The following TENM4 variants were observed in gnomAD, a reference collection of about 807,000 sequenced individuals.
TENM4 encodes teneurin-4.
TENM4 carries 82 observed loss-of-function variants against 243.3 expected under a neutral mutation model. The ratio of observed to expected loss-of-function variants is 0.34; its 90% CI spans 0.28 to 0.40. The LOEUF (loss-of-function observed/expected upper bound fraction) is 0.40, where lower values mean the gene tolerates loss of function less well. TENM4 is among the 10% of genes least tolerant of loss of function. The probability of loss-of-function intolerance (pLI) is 1.00; values close to 1 mark genes in which losing one functional copy is unlikely to be tolerated. For synonymous variants in TENM4, 1,412 were observed against 1,456.3 expected (o/e 0.97, Z 0.69); for missense variants, 3,138 against 3,673.3 (o/e 0.85, Z 3.77).
At chr11:79,107,572 T>G (rs9667693) in intron 4 of TENM4, among the ~76,000 whole-genome samples, 21,485 of 152,214 alleles carry the variant, frequency 0.14, 1,601 homozygotes, top group East Asian at 0.19. Flanking sequence ...TGTTCCCTGA[T>G]TCAGCAGGGT....
intron 4 of TENM4, among the ~76,000 whole-genome samples, chr11:79,145,193 G>A (rs570296274): frequency 1.3e-5 from 2 of 152,152 alleles, no homozygotes; most frequent in African/African-American, 4.8e-5. Flanking sequence ...TTGTCCTTAT[G>A]ACCTGCTATA....
chr11:79,005,734 G>A (rs1858464411), intron 6 of TENM4, among the ~76,000 whole-genome samples: 1 of 152,122 alleles, frequency 6.6e-6, no homozygotes, highest in Admixed American at 6.6e-5. Context: ...AGTTCTTGAA[G>A]TCCTAGCCAA....
chr11:78,685,505 T>G (rs143913397), intron 29 of TENM4, among the ~76,000 whole-genome samples: 58 of 152,354 alleles, frequency 3.8e-4, no homozygotes, highest in African/African-American at 1.2e-3. Flanking sequence ...ATTTTAATGT[T>G]TTTTTGAAAT....
At chr11:79,162,418 G>A (rs1404970182) in intron 3 of TENM4, among the ~76,000 whole-genome samples, 1 of 152,068 alleles carries the variant, frequency 6.6e-6, no homozygotes, top group African/African-American at 2.4e-5. Context: ...TACTAAATAA[G>A]TATTAATGCT....
intron 3 of TENM4, among the ~76,000 whole-genome samples, chr11:79,167,980 G>A (rs535312935): frequency 6.6e-6 from 1 of 152,344 alleles, no homozygotes; most frequent in Admixed American, 6.5e-5. Flanking sequence ...GGTTCCCTGT[G>A]CAGACTCTCA....
chr11:78,778,551 C>T lies in TENM4; in HGVS notation c.2392+51G>A, dbSNP rs957938317. 1.9e-6 allele frequency: 3 copies of T among 1,581,486 alleles called. No homozygotes were observed. The Admixed American group carries it at 5.2e-5, about 27-fold the overall frequency. ...ACACATTTCTTCTTTTATACTCATA[C>T]ACAAACACACACACAAAGACAACAG... On this transcript the variant is annotated intron_variant, in intron 17 of 33. Transcript: ENST00000278550.
intron 2 of TENM4, among the ~76,000 whole-genome samples, chr11:79,283,243 CACACACAA>C (rs1277814276): frequency 6.6e-6 from 1 of 150,452 alleles, no homozygotes; most frequent in African/African-American, 2.5e-5. Context: ...CACACACACA[CACACACAA>C]GTACAGATGA....
At chr11:79,248,462 A>G (rs1231991355) in intron 2 of TENM4, among the ~76,000 whole-genome samples, 1 of 152,186 alleles carries the variant, frequency 6.6e-6, no homozygotes, top group African/African-American at 2.4e-5. Flanking sequence ...AGAATCTTTC[A>G]TAAGTGTCCC....
intron 3 of TENM4, among the ~76,000 whole-genome samples, chr11:79,210,615 C>G (rs1863938013): frequency 6.6e-6 from 1 of 152,168 alleles, no homozygotes; most frequent in African/African-American, 2.4e-5. Context: ...CCAGCTCTGG[C>G]TTTTACTAGC....
intron 21 of TENM4, among the ~76,000 whole-genome samples, chr11:78,730,341 C>T (rs960049746): frequency 1.3e-5 from 2 of 152,160 alleles, no homozygotes; most frequent in African/African-American, 2.4e-5. Context: ...CTTTCCTTTT[C>T]GGGAAATTAA....
chr11:78,924,609 G>C (rs993251875), intron 6 of TENM4: 7 of 152,174 alleles, frequency 4.6e-5, no homozygotes, highest in African/African-American at 1.7e-4. Context: ...TAATCTTAGT[G>C]AAGATGCCTG....
At chr11:79,388,419 C>G (rs1858160636) in intron 1 of TENM4, among the ~76,000 whole-genome samples, 1 of 152,144 alleles carries the variant, frequency 6.6e-6, no homozygotes, top group Non-Finnish European at 1.5e-5. Context: ...TTTACAAGTG[C>G]CAAGTCACAA....
At chr11:79,336,323 A>G (rs1857147671) in intron 1 of TENM4, among the ~76,000 whole-genome samples, 1 of 152,186 alleles carries the variant, frequency 6.6e-6, no homozygotes, top group African/African-American at 2.4e-5. Flanking sequence ...CCAGGCCTCT[A>G]GCTTCTGATC....
At chr11:78,929,935 A>G (rs548541) in intron 6 of TENM4, among the ~76,000 whole-genome samples, 148,385 of 152,296 alleles carry the variant, frequency 0.97, 72,413 homozygotes, top group Middle Eastern at 1. Context: ...GCAATTGTGG[A>G]GTGGAGGACA....
At chr11:79,167,062 A>G (rs1862929948) in intron 3 of TENM4, among the ~76,000 whole-genome samples, 1 of 152,248 alleles carries the variant, frequency 6.6e-6, no homozygotes, top group South Asian at 2.1e-4. Flanking sequence ...CACCCATTGA[A>G]CAAGTGGAGT....
At chr11:78,927,849 T>TTCTC (rs56853062) in intron 6 of TENM4, among the ~76,000 whole-genome samples, 4,065 of 149,328 alleles carry the variant, frequency 0.027, 62 homozygotes, top group Admixed American at 0.047. Flanking sequence ...AAGCATCCTG[T>TTCTC]TCTCTCTCTC....
chr11:79,311,506 T>A (rs1033623048), intron 1 of TENM4, among the ~76,000 whole-genome samples: 2 of 152,212 alleles, frequency 1.3e-5, no homozygotes, highest in African/African-American at 4.8e-5. Context: ...TTTGCCTCCA[T>A]CGTACTTTGT....
At chr11:79,437,237 T>C (rs2135626197) in intron 1 of TENM4, among the ~76,000 whole-genome samples, 1 of 151,998 alleles carries the variant, frequency 6.6e-6, no homozygotes, top group South Asian at 2.1e-4. Context: ...ATCTCTCTGC[T>C]CCCCAACACA....
intron 14 of TENM4, among the ~76,000 whole-genome samples, chr11:78,809,888 C>T (rs778993606): frequency 2.0e-5 from 3 of 152,166 alleles, no homozygotes; most frequent in Non-Finnish European, 2.9e-5. Flanking sequence ...GCTTCAGTGA[C>T]CACACAAGCT....
Sources: gnomAD v4.1 joint callset for allele counts (sites outside exome capture counted in the v4.1 genomes callset) on GRCh38, gnomAD v4.1.1 for gene constraint, MANE v1.5 for transcripts, NCBI Gene and HGNC (gene_info 2026-07-23, HGNC 2026-07-21) for gene names.